Variants in TENM4 observed in about 807,000 individuals in gnomAD.
TENM4 encodes teneurin transmembrane protein 4.
TENM4 carries 82 observed loss-of-function variants against 243.3 expected under a neutral mutation model. That is an observed-to-expected ratio of 0.34 (90% CI 0.28 to 0.40). The LOEUF (loss-of-function observed/expected upper bound fraction) is 0.40. Among genes scored for constraint, TENM4 ranks in the 10% least tolerant of loss-of-function variants. The pLI, the probability that TENM4 is intolerant of heterozygous loss-of-function variation, is 1.00. For synonymous variants in TENM4, 1,412 were observed against 1,456.3 expected, an observed-to-expected ratio of 0.97 and a Z score of 0.69; for missense variants, 3,138 against 3,673.3, an observed-to-expected ratio of 0.85 and a Z score of 3.77.
intron 12 of TENM4, among the ~76,000 whole-genome samples, chr11:78,844,652 A>T (rs1052166133): frequency 2.4e-4 from 37 of 151,472 alleles, no homozygotes; most frequent in Non-Finnish European, 4.6e-4. Flanking sequence ...AAAAAAAAAA[A>T]GGAGGAAAAG....
chr11:79,262,444 G>A lies in TENM4; in HGVS notation c.-265+35044C>T, dbSNP rs145504281. ...AGGGTAGGGAGCCCCAAAGGAAGTG[G>A]ACGCCAGTCTTGATGACTAAATTAC... On this transcript the variant is annotated intron_variant, in intron 2 of 33. Transcript: ENST00000278550. 1.1e-3 allele frequency among the ~76,000 whole-genome samples: 161 copies of A among 152,270 alleles called. 2 individuals carry two copies. The highest frequency in any genetic ancestry group is 3.7e-3 in the African/African-American group (153 of 41,544).
At chr11:79,147,945 T>A (rs943034197) in intron 4 of TENM4, among the ~76,000 whole-genome samples, 1 of 152,006 alleles carries the variant, frequency 6.6e-6, no homozygotes, top group African/African-American at 2.4e-5. Flanking sequence ...AGCAAAACGA[T>A]CCAAGTGGAG....
intron 19 of TENM4, 116 bp from the exon 20 acceptor site, chr11:78,738,686 AC>A: frequency 1.9e-6 from 2 of 1,060,830 alleles, no homozygotes. Context: ...CACATCTTGT[AC>A]CCAGGGGTTC....
chr11:79,166,387 C>A (rs1862914642), intron 3 of TENM4, among the ~76,000 whole-genome samples: 1 of 152,108 alleles, frequency 6.6e-6, no homozygotes, highest in African/African-American at 2.4e-5. Context: ...TTCCCAATGC[C>A]CATTTGGTGC....
chr11:78,670,172 C>T lies in TENM4; in HGVS notation c.6173G>A (p.Arg2058His), dbSNP rs778097996. 1.9e-5 allele frequency: 31 copies of T among 1,613,814 alleles called. No individual in the cohort carries two copies. The highest frequency in any genetic ancestry group is 4.4e-5 in the South Asian group (4 of 91,060). ...TCGGTCAATCAGGGGCCCAATCTGACGGTAGCGGATGGTGCAGGTGAAGCC... is the reference window on the plus strand; with the variant it reads ...TCGGTCAATCAGGGGCCCAATCTGATGGTAGCGGATGGTGCAGGTGAAGCC... ...NEGFTCTIRY[R>H]QIGPLIDRQI... The change falls in exon 32 of 34, where the codon CGT (arginine) becomes CAT (histidine). Residue 2058 changes from arginine (R) to histidine (H), a missense_variant. By Grantham distance (29) the Arg-to-His change is conservative (BLOSUM62 0). Transcript: ENST00000278550.
At chr11:79,401,902 G>A in intron 1 of TENM4, 1 of 231,264 alleles carries the variant, frequency 4.3e-6, no homozygotes, top group Non-Finnish European at 9.5e-6. Flanking sequence ...AGAGCTGGGT[G>A]TGGCACTCAG....
intron 1 of TENM4, among the ~76,000 whole-genome samples, chr11:79,387,926 G>A (rs1858151533): frequency 6.6e-6 from 1 of 152,210 alleles, no homozygotes; most frequent in Non-Finnish European, 1.5e-5. Flanking sequence ...GATTGCTTGA[G>A]CCCAAGAGGC....
chr11:79,055,292 T>G (rs199984184), intron 6 of TENM4, among the ~76,000 whole-genome samples: 1 of 152,136 alleles, frequency 6.6e-6, no homozygotes, highest in South Asian at 2.1e-4. Context: ...TCTAGGCTGG[T>G]GTGCGGTGGC....
At chr11:79,243,339 C>T (rs950277630) in intron 2 of TENM4, among the ~76,000 whole-genome samples, 2 of 152,130 alleles carry the variant, frequency 1.3e-5, no homozygotes, top group Non-Finnish European at 2.9e-5. Context: ...GGACACATCT[C>T]GGCACAGTGG....
At chr11:79,031,178 G>A (rs1176833132) in intron 6 of TENM4, among the ~76,000 whole-genome samples, 1 of 152,164 alleles carries the variant, frequency 6.6e-6, no homozygotes, top group Non-Finnish European at 1.5e-5. Flanking sequence ...ATAAAGAGAT[G>A]TAAGGATACA....
intron 2 of TENM4, among the ~76,000 whole-genome samples, chr11:79,272,995 G>A (rs1855995681): frequency 6.6e-6 from 1 of 152,128 alleles, no homozygotes; most frequent in African/African-American, 2.4e-5. Flanking sequence ...CTCAGGGATG[G>A]TCCTAAGAAG....
intron 6 of TENM4, among the ~76,000 whole-genome samples, chr11:78,916,776 A>G (rs1371062387): frequency 6.6e-6 from 1 of 152,162 alleles, no homozygotes; most frequent in African/African-American, 2.4e-5. Flanking sequence ...ATTTTTTTCA[A>G]TGATGGGATA....
At chr11:79,399,001 TGC>T (rs1858403839) in intron 1 of TENM4, among the ~76,000 whole-genome samples, 2 of 152,110 alleles carry the variant, frequency 1.3e-5, no homozygotes, top group Non-Finnish European at 2.9e-5. Flanking sequence ...CAGGATGGTG[TGC>T]AGAGGGAAGT....
At chr11:78,914,922 A>T (rs1338923505) in intron 6 of TENM4, among the ~76,000 whole-genome samples, 1 of 152,158 alleles carries the variant, frequency 6.6e-6, no homozygotes, top group East Asian at 1.9e-4. Context: ...ACCCGCTTCA[A>T]TTCAGTGGCT....
intron 6 of TENM4, among the ~76,000 whole-genome samples, chr11:78,943,482 C>T (rs1220456287): frequency 1.3e-5 from 2 of 152,166 alleles, no homozygotes; most frequent in African/African-American, 4.8e-5. Context: ...CCCTTCCTAC[C>T]CTCTGCCCCT....
chr11:79,349,402 A>G (rs2135474940), intron 1 of TENM4, among the ~76,000 whole-genome samples: 1 of 152,364 alleles, frequency 6.6e-6, no homozygotes, highest in South Asian at 2.1e-4. Flanking sequence ...CAGATTTATA[A>G]TAATAGCTGA....
intron 6 of TENM4, among the ~76,000 whole-genome samples, chr11:79,054,579 G>A (rs1348239233): frequency 6.6e-6 from 1 of 151,482 alleles, no homozygotes; most frequent in Non-Finnish European, 1.5e-5. Flanking sequence ...GCTCACTGCA[G>A]CCTCGATCAC....
At chr11:78,792,385 G>C (rs1857074646) in intron 15 of TENM4, among the ~76,000 whole-genome samples, 2 of 152,188 alleles carry the variant, frequency 1.3e-5, no homozygotes, top group African/African-American at 2.4e-5. Flanking sequence ...CTCAAAATCA[G>C]AGGAAAATCT....
At chr11:78,840,672 A>C (rs1190707333) in intron 12 of TENM4, among the ~76,000 whole-genome samples, 1 of 152,184 alleles carries the variant, frequency 6.6e-6, no homozygotes, top group Admixed American at 6.5e-5. Context: ...CCGCCCAGAG[A>C]AGTGTCAGGG....
Sources: gnomAD v4.1 joint callset for allele counts (sites outside exome capture counted in the v4.1 genomes callset) on GRCh38, gnomAD v4.1.1 for gene constraint, MANE v1.5 for transcripts, NCBI Gene and HGNC (gene_info 2026-07-23, HGNC 2026-07-21) for gene names.